Variants in MGAT4C observed in about 807,000 individuals in gnomAD.
MGAT4C encodes alpha-1,3-mannosyl-glycoprotein 4-beta-N-acetylglucosaminyltransferase C.
A neutral mutation model predicts 40.1 loss-of-function variants in MGAT4C; 19 were observed. The ratio of observed to expected loss-of-function variants is 0.47; its 90% CI spans 0.33 to 0.70. The LOEUF (loss-of-function observed/expected upper bound fraction) is 0.70, where lower values mean the gene tolerates loss of function less well. Among genes scored for constraint, MGAT4C ranks in the 30% least tolerant of loss-of-function variants. The pLI is 0.02. For synonymous variants in MGAT4C, 181 were observed against 187.1 expected (o/e 0.97, Z 0.27); for missense variants, 491 against 563.2 (o/e 0.87, Z 1.30).
At chr12:86,453,050 A>C (rs1957453795) in intron 2 of MGAT4C, among the ~76,000 whole-genome samples, 2 of 152,258 alleles carry the variant, frequency 1.3e-5, no homozygotes, top group South Asian at 2.1e-4. Flanking sequence ...TATATCTGTT[A>C]CTATATTATA....
rs1243970921 is a variant in MGAT4C, at chr12:86,279,114, T to C, written c.-57+54951A>G. ...GGCCTGTAGTTTTATTTCTTTTCTTTTCTATTTTTTTAATGTGTCTTTGTC... is the reference window on the plus strand; with the variant it reads ...GGCCTGTAGTTTTATTTCTTTTCTTCTCTATTTTTTTAATGTGTCTTTGTC... On this transcript the variant is annotated intron_variant, in intron 4 of 7. Transcript: ENST00000548651. 2.0e-5 allele frequency among the ~76,000 whole-genome samples: 3 copies of C among 152,310 alleles called. No homozygotes were observed. In the East Asian group the frequency reaches 5.8e-4, roughly 29 times the overall value.
In MGAT4C at chr12:85,970,658, T is replaced by A. The variant is rs1262006005; in HGVS notation, c.*8631A>T. On this transcript the variant is annotated 3_prime_UTR_variant, in exon 5 of 5. Transcript: ENST00000611864. Reference sequence around the variant, plus strand: ...TACTAATTGAATTTAGTGATTAGACTGTGATTAGACTATTACAAATTCACA... The same window carrying A: ...TACTAATTGAATTTAGTGATTAGACAGTGATTAGACTATTACAAATTCACA... 1 of 147,878 alleles carries A rather than the reference T, an allele frequency of 6.8e-6. No individual in the cohort carries two copies. The highest frequency in any genetic ancestry group is 1.5e-5 in the Non-Finnish European group (1 of 65,150). The allele number at this position is 147,878 out of a possible 1,614,324, so 9.2% of individuals were successfully genotyped here.
chr12:86,575,096 T>C (rs1268018551), intron 2 of MGAT4C, among the ~76,000 whole-genome samples: 5 of 151,474 alleles, frequency 3.3e-5, no homozygotes, highest in Non-Finnish European at 1.5e-5. Flanking sequence ...ACACAAATAA[T>C]CTCTCTAGAC....
chr12:86,490,685 C>A (rs1355595598), intron 2 of MGAT4C, among the ~76,000 whole-genome samples: 1 of 151,942 alleles, frequency 6.6e-6, no homozygotes, highest in Non-Finnish European at 1.5e-5. Flanking sequence ...AGCAGAGACA[C>A]ACATAGGCTC....
chr12:86,060,551 T>C (rs907571465), intron 1 of MGAT4C, among the ~76,000 whole-genome samples: 5 of 152,132 alleles, frequency 3.3e-5, no homozygotes, highest in African/African-American at 2.4e-5. Context: ...CAATAATATT[T>C]AATTATAAAA....
chr12:86,148,735 G>A (rs1227252351), intron 1 of MGAT4C, among the ~76,000 whole-genome samples: 3 of 152,124 alleles, frequency 2.0e-5, no homozygotes, highest in Admixed American at 6.5e-5. Context: ...CCATTATATG[G>A]AATTGCAGAA....
intron 2 of MGAT4C, among the ~76,000 whole-genome samples, chr12:86,624,266 C>A (rs1218564484): frequency 1.3e-5 from 2 of 152,116 alleles, no homozygotes; most frequent in African/African-American, 4.8e-5. Flanking sequence ...ACAAGGGAAT[C>A]TAAAGTTGAC....
chr12:86,428,091 T>A (rs1160768128), intron 3 of MGAT4C, among the ~76,000 whole-genome samples: 2 of 152,040 alleles, frequency 1.3e-5, no homozygotes, highest in African/African-American at 4.8e-5. Context: ...TAGTATAAAA[T>A]CATTGTCTCA....
At chr12:86,566,721 A>G (rs893534185) in intron 2 of MGAT4C, among the ~76,000 whole-genome samples, 1 of 132,766 alleles carries the variant, frequency 7.5e-6, no homozygotes, top group Non-Finnish European at 1.6e-5. Flanking sequence ...TTATATGTAT[A>G]TATACATACA....
intron 1 of MGAT4C, among the ~76,000 whole-genome samples, chr12:86,226,168 G>A (rs988278220): frequency 9.2e-5 from 14 of 151,752 alleles, no homozygotes; most frequent in African/African-American, 1.7e-4. Flanking sequence ...AAGTATATGC[G>A]CTATAATATA....
intron 1 of MGAT4C, among the ~76,000 whole-genome samples, chr12:86,178,156 T>C (rs538195232): frequency 7.9e-5 from 12 of 152,312 alleles, no homozygotes; most frequent in South Asian, 6.2e-4. Flanking sequence ...CAGGATGGTC[T>C]TGATCTCCTG....
chr12:86,816,125 G>T (rs1952601992), intron 1 of MGAT4C, among the ~76,000 whole-genome samples: 1 of 151,562 alleles, frequency 6.6e-6, no homozygotes, highest in African/African-American at 2.4e-5. Flanking sequence ...AATTTTAAAG[G>T]GCCTGCTTTT....
In MGAT4C at chr12:86,034,483, T is replaced by G. The variant is rs768263865; in HGVS notation, c.-7+15191A>C. Among the ~76,000 whole-genome samples the G allele has an allele frequency of 6.0e-5, 9 of 149,492 alleles. 1 individual carries two copies. Among genetic ancestry groups the G allele is most frequent in the Non-Finnish European group, 1.4e-4 (9 of 66,644 alleles). On this transcript the variant is annotated intron_variant, in intron 2 of 4. Transcript: ENST00000611864. ...TTCTGGTTCAATTTGGGAGGTTATA[T>G]CTCTCAGAATTGACCAATTTTTTTT... is the stretch of plus-strand genomic sequence containing the variant.
rs539900608 is a variant in MGAT4C at position 86,054,180 on chromosome 12, T to C, written c.-56-4457A>G. Among the ~76,000 whole-genome samples the C allele has an allele frequency of 2.5e-4, 38 of 152,162 alleles. 1 individual carries two copies. The highest frequency in any genetic ancestry group is 8.2e-4 in the African/African-American group (34 of 41,556). ...AGCACTCTTCATAATAGCCAAGATA[T>C]GGAGTCAACCCAAGTGTCCAGCAAT... On this transcript the variant is annotated intron_variant, in intron 1 of 4. Coordinates refer to ENST00000611864, the MANE Select transcript of MGAT4C (RefSeq NM_001351288.2).
chr12:86,177,053 A>G (rs979578248), intron 1 of MGAT4C, among the ~76,000 whole-genome samples: 3 of 151,700 alleles, frequency 2.0e-5, no homozygotes, highest in Admixed American at 6.6e-5. Context: ...TCTTCTCCCT[A>G]TGTGCTTTGG....
intron 1 of MGAT4C, among the ~76,000 whole-genome samples, chr12:86,208,011 G>T (rs1950323767): frequency 6.6e-6 from 1 of 152,132 alleles, no homozygotes; most frequent in Admixed American, 6.5e-5. Context: ...TCTCATAATT[G>T]ATCAAGACAG....
intron 4 of MGAT4C, among the ~76,000 whole-genome samples, chr12:86,304,138 G>T (rs1358090386): frequency 1.3e-5 from 2 of 150,542 alleles, no homozygotes; most frequent in Non-Finnish European, 2.9e-5. Flanking sequence ...GGCTTTTCTA[G>T]AACTATAATT....
At chr12:86,276,980 C>T (rs1164219482) in intron 4 of MGAT4C, among the ~76,000 whole-genome samples, 2 of 152,128 alleles carry the variant, frequency 1.3e-5, no homozygotes, top group Non-Finnish European at 2.9e-5. Flanking sequence ...TATGGTAGCT[C>T]TATTTTTAGT....
intron 1 of MGAT4C, among the ~76,000 whole-genome samples, chr12:86,763,841 C>G (rs991136668): frequency 6.6e-6 from 1 of 152,122 alleles, no homozygotes; most frequent in Non-Finnish European, 1.5e-5. Flanking sequence ...GCTAAGCTCT[C>G]TATACCTAGA....
Sources: allele counts gnomAD v4.1 joint callset (sites outside exome capture counted in the v4.1 genomes callset), GRCh38; gene constraint gnomAD v4.1.1; transcripts MANE v1.5; gene names NCBI Gene and HGNC (gene_info 2026-07-23, HGNC 2026-07-21).